The following WDR45 variants were observed in gnomAD, a reference collection of about 807,000 sequenced individuals.
WDR45 encodes the protein WD repeat domain phosphoinositide-interacting protein 4.
WDR45 carries 2 observed loss-of-function variants against 27.3 expected under a neutral mutation model. That is an observed-to-expected ratio of 0.07 (90% CI 0.03 to 0.23). The LOEUF (loss-of-function observed/expected upper bound fraction) is 0.23. Among genes scored for constraint, WDR45 ranks in the 10% least tolerant of loss-of-function variants. The probability of loss-of-function intolerance (pLI) is 1.00; values close to 1 mark genes in which losing one functional copy is unlikely to be tolerated. For missense variants in WDR45, 175 were observed against 311.9 expected, an observed-to-expected ratio of 0.56 and a Z score of 3.31; for synonymous variants, 99 against 119.2, an observed-to-expected ratio of 0.83 and a Z score of 1.11.
chrX:49,076,104 G>A (rs2065035804), intron 6 of WDR45, 159 bp from the exon 7 acceptor site: 1 of 491,232 alleles, frequency 2.0e-6, no homozygotes, highest in Non-Finnish European at 3.5e-6. Context: ...CGCCAGCTAG[G>A]CAGATTCCAT....
rs782296130 is a variant in WDR45, at chrX:49,075,273, C to A, written c.836G>T (p.Arg279Leu). 1 of 1,210,645 alleles carries A rather than the reference C, an allele frequency of 8.3e-7. No homozygotes were observed. The highest frequency in any genetic ancestry group is 1.1e-6 in the Non-Finnish European group (1 of 894,798). Residue 279 changes from arginine (R) to leucine (L), a missense_variant, in exon 10 of 11, where the codon CGC becomes CTC. Arg to Leu is a moderately radical substitution (Grantham distance 102, BLOSUM62 -2). Transcript: ENST00000376372. ...TRLNRRSALA[R>L]VGKVGPMIGQ... ...AATCATAGGCCCCACCTTGCCCACG[C>A]GAGCCAGCCTGCAGGCAGCACTGGC...
chrX:49,096,047 G>A, intron 2 of WDR45, among the ~76,000 whole-genome samples: 1 of 108,664 alleles, frequency 9.2e-6, no homozygotes, highest in Non-Finnish European at 1.9e-5. Flanking sequence ...GGGATTACAG[G>A]CATGAGCCAC....
In WDR45 at chrX:49,096,021, G is replaced by A. The variant is rs782559138; in HGVS notation, c.-18+4184C>T. On this transcript the variant is annotated intron_variant, in intron 2 of 11. Coordinates refer to the WDR45 transcript ENST00000356463. ...CCTGACCTTGTGATCCACCCACCTCGGCCTCCCAAAGTGCTGGGATTACAG... is the reference window on the plus strand; with the variant it reads ...CCTGACCTTGTGATCCACCCACCTCAGCCTCCCAAAGTGCTGGGATTACAG... 1.9e-4 allele frequency among the ~76,000 whole-genome samples: 20 copies of A among 105,680 alleles called. No individual in the cohort carries two copies. In the South Asian group the frequency reaches 6.0e-3, roughly 32 times the overall value. 91.8% of individuals were successfully genotyped at this position (105,680 alleles called of 115,157 possible). A position where few individuals can be genotyped will look rare whatever the true frequency, so the allele number is the denominator to read the frequency against.
intron 2 of WDR45, among the ~76,000 whole-genome samples, chrX:49,088,134 T>C (rs1027344070): frequency 1.8e-5 from 2 of 111,966 alleles, no homozygotes; most frequent in Non-Finnish European, 3.8e-5. Context: ...CCGGGTGTGG[T>C]GGCTCATGCC....
At chrX:49,092,391 G>C (rs1268657410) in intron 2 of WDR45, among the ~76,000 whole-genome samples, 1 of 108,750 alleles carries the variant, frequency 9.2e-6, no homozygotes, top group African/African-American at 3.3e-5. Flanking sequence ...TAACACTTCT[G>C]TTTCTTGGAC....
At chrX:49,098,555 T>G (rs1312545651) in intron 2 of WDR45, among the ~76,000 whole-genome samples, 2 of 109,327 alleles carry the variant, frequency 1.8e-5, no homozygotes, top group African/African-American at 6.7e-5. Context: ...ATGCCTGTAA[T>G]TCCAGCACTT....
At chrX:49,082,783 G>A (rs1557085341), upstream of WDR45, among the ~76,000 whole-genome samples, 1 of 110,458 alleles carries the variant, frequency 9.1e-6, no homozygotes, top group African/African-American at 3.3e-5. Context: ...GCACGATCTC[G>A]GCTCACTGCA....
intron 2 of WDR45, among the ~76,000 whole-genome samples, chrX:49,097,330 G>T (rs868972858): frequency 1.1e-5 from 1 of 91,817 alleles, no homozygotes; most frequent in Non-Finnish European, 2.1e-5. Flanking sequence ...CCAGCTAATT[G>T]TTTTTTTTTT....
At chrX:49,091,665 C>T (rs1239522036) in intron 2 of WDR45, among the ~76,000 whole-genome samples, 1 of 84,760 alleles carries the variant, frequency 1.2e-5, no homozygotes, top group African/African-American at 4.5e-5. Flanking sequence ...AGGAGAATGG[C>T]GTGAACCCGG....
intron 4 of WDR45, chrX:49,077,235 G>A (rs2065043207): frequency 5.1e-6 from 1 of 195,275 alleles, no homozygotes; most frequent in Non-Finnish European, 9.4e-6. Flanking sequence ...TTGGGAAGAC[G>A]GCTCCAAGAT....
upstream of WDR45, among the ~76,000 whole-genome samples, chrX:49,083,144 C>T (rs2065074213): frequency 9.1e-6 from 1 of 110,492 alleles, no homozygotes; most frequent in Non-Finnish European, 1.9e-5. Flanking sequence ...TCCCAAAGTG[C>T]TGGGATTACA....
At chrX:49,091,701 G>A (rs1557086657) in intron 2 of WDR45, among the ~76,000 whole-genome samples, 2 of 79,265 alleles carry the variant, frequency 2.5e-5, no homozygotes, top group African/African-American at 9.4e-5. Context: ...GTGAGCCGAG[G>A]TTGCGCCACT....
At chrX:49,077,222 G>A in intron 4 of WDR45, 1 of 199,865 alleles carries the variant, frequency 5.0e-6, no homozygotes, top group Non-Finnish European at 9.2e-6. Context: ...AGCCAAGGGG[G>A]TATTGGGAAG....
intron 2 of WDR45, among the ~76,000 whole-genome samples, chrX:49,095,609 C>T (rs934838971): frequency 5.6e-5 from 6 of 107,197 alleles, no homozygotes; most frequent in South Asian, 4.2e-4. Context: ...TACAGGCGCC[C>T]GCCACCACGC....
At chrX:49,083,038 C>T (rs782625975), upstream of WDR45, among the ~76,000 whole-genome samples, 3 of 111,732 alleles carry the variant, frequency 2.7e-5, no homozygotes, top group East Asian at 5.6e-4. Context: ...CACCACCACG[C>T]CCGGCTAATT....
upstream of WDR45, among the ~76,000 whole-genome samples, chrX:49,083,100 G>A (rs1282182665): frequency 3.6e-5 from 4 of 110,559 alleles, no homozygotes; most frequent in East Asian, 2.8e-4. Flanking sequence ...GGCTGGTCTC[G>A]AACTCCTGAC....
chrX:49,097,387 C>T lies in WDR45; in HGVS notation c.-18+2818G>A, dbSNP rs374151075. On this transcript the variant is annotated intron_variant, in intron 2 of 11. Coordinates refer to the WDR45 transcript ENST00000356463. ...CTGTCGCCAGGCTGGAGTGTGGTGGCGTGATCTGGGCTCACTGTAGCCTTC... is the reference window on the plus strand; with the variant it reads ...CTGTCGCCAGGCTGGAGTGTGGTGGTGTGATCTGGGCTCACTGTAGCCTTC... Among the ~76,000 whole-genome samples the T allele has an allele frequency of 2.3e-4, 23 of 97,965 alleles. No individual in the cohort carries two copies. In the East Asian group the frequency reaches 7.5e-3, roughly 32 times the overall value. The allele number at this position is 97,965 out of a possible 115,157, so 85.1% of individuals were successfully genotyped here.
chrX:49,095,621 C>T (rs2065122229), intron 2 of WDR45, among the ~76,000 whole-genome samples: 1 of 107,578 alleles, frequency 9.3e-6, no homozygotes, highest in Non-Finnish European at 1.9e-5. Flanking sequence ...CCACCACGCC[C>T]AGCTAATTTT....
intron 2 of WDR45, among the ~76,000 whole-genome samples, chrX:49,090,119 A>C (rs782664900): frequency 9.0e-6 from 1 of 110,626 alleles, no homozygotes; most frequent in South Asian, 3.8e-4. Context: ...CCTGGAGTGC[A>C]GTGGTGTGAA....
Sources: allele counts gnomAD v4.1 joint callset (sites outside exome capture counted in the v4.1 genomes callset), GRCh38; gene constraint gnomAD v4.1.1; transcripts MANE v1.5; gene names NCBI Gene and HGNC (gene_info 2026-07-23, HGNC 2026-07-21).